The following TCF20 variants were observed in gnomAD, a reference collection of about 807,000 sequenced individuals.
TCF20 encodes the protein transcription factor 20, also known as SPRE-binding protein.
Under a neutral mutation model 148.6 loss-of-function variants are expected in TCF20, and 3 were observed. The ratio of observed to expected loss-of-function variants is 0.02; its 90% confidence interval spans 0.01 to 0.05. The LOEUF is 0.05. Ranked by LOEUF, TCF20 falls within the 10% of genes least tolerant of loss-of-function variation. The probability of loss-of-function intolerance (pLI) is 1.00; values close to 1 mark genes in which losing one functional copy is unlikely to be tolerated. For synonymous variants in TCF20, 1,049 were observed against 909.5 expected (o/e 1.15, Z -2.76); for missense variants, 2,350 against 2,429.3 (o/e 0.97, Z 0.69).
chr22:42,304,690 C>T (rs1569205231), intron 1 of TCF20, among the ~76,000 whole-genome samples: 1 of 151,804 alleles, frequency 6.6e-6, no homozygotes, highest in African/African-American at 2.4e-5. Flanking sequence ...CTGGGGAAAC[C>T]GAGGCAGAGA....
chr22:42,258,299 C>T (rs951275349), intron 1 of TCF20, among the ~76,000 whole-genome samples: 14 of 150,780 alleles, frequency 9.3e-5, no homozygotes, highest in Admixed American at 7.2e-4. Context: ...ATCTTCAGTG[C>T]GCAAAGAGTA....
At chr22:42,267,741 G>T (rs145426170) in intron 1 of TCF20, among the ~76,000 whole-genome samples, 63 of 152,082 alleles carry the variant, frequency 4.1e-4, no homozygotes, top group African/African-American at 1.5e-3. Context: ...TGATAGGCCT[G>T]ATGGTAACAT....
At chr22:42,294,654 C>T (rs1445339986) in intron 1 of TCF20, among the ~76,000 whole-genome samples, 1 of 152,240 alleles carries the variant, frequency 6.6e-6, no homozygotes, top group Non-Finnish European at 1.5e-5. Flanking sequence ...GGCTAGGCTC[C>T]TGGCAGGGAC....
At chr22:42,181,851 A>G (rs1046882920) in intron 2 of TCF20, among the ~76,000 whole-genome samples, 2 of 151,728 alleles carry the variant, frequency 1.3e-5, no homozygotes, top group African/African-American at 4.8e-5. Context: ...GGCTCAAGCA[A>G]TTCTCCCATC....
At chr22:42,179,580 C>G in intron 3 of TCF20, 29 bp downstream of exon 3, 7 of 1,517,800 alleles carry the variant, frequency 4.6e-6, no homozygotes, top group Non-Finnish European at 6.4e-6. Flanking sequence ...TTTGGATGCT[C>G]TGGACAAGGG....
intron 1 of TCF20, among the ~76,000 whole-genome samples, chr22:42,236,984 G>A (rs1285763459): frequency 6.6e-6 from 1 of 152,184 alleles, no homozygotes; most frequent in African/African-American, 2.4e-5. Context: ...TTGCCTCCAT[G>A]TTGATGGCTG....
At chr22:42,240,902 C>A (rs1924338963) in intron 1 of TCF20, among the ~76,000 whole-genome samples, 1 of 152,012 alleles carries the variant, frequency 6.6e-6, no homozygotes, top group African/African-American at 2.4e-5. Context: ...CCCCCCCAGG[C>A]TGGAGTGCAG....
intron 1 of TCF20, among the ~76,000 whole-genome samples, chr22:42,328,324 G>T (rs1927910289): frequency 6.6e-6 from 1 of 152,168 alleles, no homozygotes; most frequent in Non-Finnish European, 1.5e-5. Context: ...CATCCTGTGG[G>T]CTCCCCTGAG....
chr22:42,249,594 G>A (rs1003243824), intron 1 of TCF20, among the ~76,000 whole-genome samples: 6 of 152,170 alleles, frequency 3.9e-5, no homozygotes, highest in Non-Finnish European at 8.8e-5. Context: ...AAATTGCAAC[G>A]GCCAGGCAAT....
chr22:42,234,360 G>C (rs957147966), intron 1 of TCF20, among the ~76,000 whole-genome samples: 1 of 152,174 alleles, frequency 6.6e-6, no homozygotes, highest in Non-Finnish European at 1.5e-5. Context: ...AAGCAGAACC[G>C]AGTTCTATGG....
chr22:42,179,838 G>C (rs1293787107), intron 2 of TCF20, 136 bp from the exon 3 acceptor site: 1 of 641,126 alleles, frequency 1.6e-6, no homozygotes, highest in Non-Finnish European at 2.8e-6. Context: ...AGGATGAGCT[G>C]GTCAATTTCT....
In TCF20 at chr22:42,224,935, G is replaced by A. The variant is rs149633495; in HGVS notation, c.-36-9594C>T. On this transcript the variant is annotated intron_variant, in intron 1 of 5. Coordinates refer to ENST00000677622, the MANE Select transcript of TCF20 (RefSeq NM_001378418.1). The stretch of plus-strand genomic sequence containing the variant: ...CTTCTGGACTATCCAAGATGGCAGT[G>A]TTGTGGAAGTATTTTTTCCCCTTTT... 2.5e-3 allele frequency among the ~76,000 whole-genome samples: 380 copies of A among 151,406 alleles called. 1 individual carries two copies. Among genetic ancestry groups the A allele is most frequent in the Non-Finnish European group, 3.9e-3 (266 of 67,862 alleles).
Position 42,179,731 on chromosome 22 carries a change from C to A in TCF20, c.5656-29G>T, listed in dbSNP as rs1001036678. ...AAAGGAAGGGAAAAGTCAGGCATGT[C>A]AGTATCCCAGATTTGGCCCTCTCCT... On this transcript the variant is annotated intron_variant, in intron 2 of 5. Transcript: ENST00000677622. 5.2e-6 allele frequency: 8 copies of A among 1,527,830 alleles called. No individual in the cohort carries two copies. In the African/African-American group the frequency reaches 1.1e-4, roughly 21 times the overall value. The allele number at this position is 1,527,830 out of a possible 1,614,324, so 94.6% of individuals were successfully genotyped here.
intron 4 of TCF20, 134 bp from the exon 5 acceptor site, chr22:42,168,870 G>C: frequency 8.1e-7 from 1 of 1,231,190 alleles, no homozygotes; most frequent in Non-Finnish European, 1.1e-6. Flanking sequence ...CCGACAAACA[G>C]GAGACATTCA....
intron 1 of TCF20, among the ~76,000 whole-genome samples, chr22:42,249,338 C>CCTAATAAATTCCCTCATAT (rs1300374199): frequency 6.6e-6 from 1 of 152,204 alleles, no homozygotes; most frequent in Non-Finnish European, 1.5e-5. Context: ...AGCCAATTCC[C>CCTAATAAATTCCCTCATAT]CTAATAAATT....
chr22:42,282,783 C>G (rs1461082182), intron 1 of TCF20, among the ~76,000 whole-genome samples: 1 of 152,180 alleles, frequency 6.6e-6, no homozygotes, highest in Non-Finnish European at 1.5e-5. Context: ...GGCTGCCATG[C>G]CTGGGAGGAG....
chr22:42,221,739 GT>G (rs59283483), intron 1 of TCF20, among the ~76,000 whole-genome samples: 56 of 92,796 alleles, frequency 6.0e-4, no homozygotes, highest in South Asian at 7.3e-4. Flanking sequence ...ATGGCAAAGG[GT>G]TTTTTTTTTT....
In TCF20 at chr22:42,340,993, C is replaced by A. The variant is rs533035526; in HGVS notation, c.-37+2486G>T. Among the ~76,000 whole-genome samples, 177 of 151,720 alleles carry A rather than the reference C, an allele frequency of 1.2e-3. 1 individual carries two copies. Among genetic ancestry groups the A allele is most frequent in the African/African-American group, 3.8e-3 (157 of 41,398 alleles). On this transcript the variant is annotated intron_variant, in intron 1 of 1. Coordinates refer to the TCF20 transcript ENST00000515426. The stretch of plus-strand genomic sequence containing the variant: ...GAAGCTGGCAGTGTCAGCCTGGGAG[C>A]CCCGCGGAGCTGCGGGGCGCGCAGC...
At chr22:42,219,355 CAAAAAAAAAAAAA>C (rs528664836) in intron 1 of TCF20, among the ~76,000 whole-genome samples, 3 of 43,592 alleles carry the variant, frequency 6.9e-5, no homozygotes, top group Non-Finnish European at 1.3e-4. Context: ...AACCCTGTCT[CAAAAAAAAAAAAA>C]AAAAAAAAAA....
Sources: allele counts gnomAD v4.1 joint callset (sites outside exome capture counted in the v4.1 genomes callset), GRCh38; gene constraint gnomAD v4.1.1; transcripts MANE v1.5; gene names NCBI Gene and HGNC (gene_info 2026-07-23, HGNC 2026-07-21).